HYCC2: variants seen among roughly 807,000 people sequenced by gnomAD.
HYCC2 encodes the protein hyccin 2.
At chr2:201,039,525 C>T in the HYCC2 span, among the ~76,000 whole-genome samples, 1 of 152,082 alleles carries the variant, frequency 6.6e-6, no homozygotes, top group African/African-American at 2.4e-5. Context: ...ACTAACCTTG[C>T]CAAGGTTTGA....
At chr2:201,009,058 C>G in the HYCC2 span, 1 of 1,613,628 alleles carries the variant, frequency 6.2e-7, no homozygotes, top group Non-Finnish European at 8.5e-7. Flanking sequence ...AATGCCCCTT[C>G]TGTCAAAGCC....
chr2:201,068,101 T>C, the HYCC2 span, among the ~76,000 whole-genome samples: 2 of 151,972 alleles, frequency 1.3e-5, no homozygotes, highest in East Asian at 1.9e-4. Context: ...CCTGACCAAC[T>C]TGGAGAAATC....
At chr2:201,056,205 TAAATA>T in the HYCC2 span, among the ~76,000 whole-genome samples, 6 of 151,082 alleles carry the variant, frequency 4.0e-5, no homozygotes, top group South Asian at 2.1e-4. Context: ...AAAAAAAAAA[TAAATA>T]AAATAAAATA....
the HYCC2 span, among the ~76,000 whole-genome samples, chr2:201,043,369 A>G: frequency 6.7e-6 from 1 of 148,934 alleles, no homozygotes; most frequent in Non-Finnish European, 1.5e-5. Context: ...TCCCTCCACT[A>G]TTGTCCTATG....
the HYCC2 span, chr2:200,987,382 G>A: frequency 7.8e-7 from 1 of 1,289,718 alleles, no homozygotes; most frequent in Admixed American, 2.3e-5. Flanking sequence ...TGTGGCTGTT[G>A]CTGAGTTGGG....
At chr2:200,988,233 T>C in the HYCC2 span, 3 of 1,574,480 alleles carry the variant, frequency 1.9e-6, no homozygotes, top group Non-Finnish European at 2.6e-6. Flanking sequence ...CTTGACTCCA[T>C]GTGTGGACTA....
chr2:201,060,536 T>A, the HYCC2 span, among the ~76,000 whole-genome samples: 1 of 152,194 alleles, frequency 6.6e-6, no homozygotes, highest in Non-Finnish European at 1.5e-5. Flanking sequence ...TAGGTAATCT[T>A]GAAAGTAGAA....
the HYCC2 span, chr2:201,063,189 T>G: frequency 9.3e-6 from 15 of 1,608,932 alleles, no homozygotes; most frequent in Middle Eastern, 2.2e-4. Flanking sequence ...AGGAGCCATT[T>G]TGAGCAACGG....
At chr2:201,053,054 T>C in the HYCC2 span, among the ~76,000 whole-genome samples, 1 of 152,020 alleles carries the variant, frequency 6.6e-6, no homozygotes, top group East Asian at 1.9e-4. Flanking sequence ...CACATAAGAG[T>C]TCTTCCTAAG....
the HYCC2 span, among the ~76,000 whole-genome samples, chr2:200,985,659 C>T: frequency 6.6e-6 from 1 of 151,828 alleles, no homozygotes; most frequent in Non-Finnish European, 1.5e-5. Flanking sequence ...GAGATCCTGC[C>T]TCAAAAAAAT....
chr2:201,024,118 C>A, the HYCC2 span: 120 of 788,064 alleles, frequency 1.5e-4, no homozygotes, highest in African/African-American at 2.0e-3. Flanking sequence ...TGCCTTTCAC[C>A]AAGGAAAATT....
chr2:201,060,587 C>A, the HYCC2 span, among the ~76,000 whole-genome samples: 1 of 152,178 alleles, frequency 6.6e-6, no homozygotes, highest in African/African-American at 2.4e-5. Context: ...ACAGAAGCAG[C>A]CTGTGCCCTT....
the HYCC2 span, chr2:200,980,509 T>A: frequency 6.6e-6 from 1 of 152,620 alleles, no homozygotes; most frequent in Admixed American, 6.6e-5. Context: ...TGACCTTATA[T>A]GTCCTTGTGG....
the HYCC2 span, among the ~76,000 whole-genome samples, chr2:201,046,156 G>GAA: frequency 7.4e-3 from 1,129 of 152,236 alleles, 19 homozygotes; most frequent in African/African-American, 0.026. Context: ...ATTTTTGGCA[G>GAA]AAAAACACAT....
the HYCC2 span, among the ~76,000 whole-genome samples, chr2:201,012,065 C>A: frequency 6.6e-6 from 1 of 152,008 alleles, no homozygotes; most frequent in African/African-American, 2.4e-5. Context: ...TCATAGTTAT[C>A]CCTTTTTTTT....
the HYCC2 span, among the ~76,000 whole-genome samples, chr2:201,054,926 A>T: frequency 6.6e-6 from 1 of 152,134 alleles, no homozygotes; most frequent in Non-Finnish European, 1.5e-5. Flanking sequence ...TGGCCTCCCA[A>T]AGTGCTGGGA....
the HYCC2 span, among the ~76,000 whole-genome samples, chr2:201,011,762 T>C: frequency 6.6e-6 from 1 of 152,152 alleles, no homozygotes; most frequent in East Asian, 1.9e-4. Flanking sequence ...GGCAAACGAA[T>C]CAATTTGATG....
At chr2:200,984,623 G>A in the HYCC2 span, among the ~76,000 whole-genome samples, 64 of 152,164 alleles carry the variant, frequency 4.2e-4, no homozygotes, top group Non-Finnish European at 6.2e-4. Context: ...GGTGGCTTAC[G>A]CCTGTAATCC....
the HYCC2 span, among the ~76,000 whole-genome samples, chr2:201,060,891 G>C: frequency 6.6e-6 from 1 of 152,068 alleles, no homozygotes; most frequent in African/African-American, 2.4e-5. Flanking sequence ...CTCTTGGAGA[G>C]TACAACATAT....
Sources: allele counts gnomAD v4.1 joint callset (sites outside exome capture counted in the v4.1 genomes callset), GRCh38; gene constraint gnomAD v4.1.1; transcripts MANE v1.5; gene names NCBI Gene and HGNC (gene_info 2026-07-23, HGNC 2026-07-21).